The following CFAP77 variants were observed in gnomAD, a reference collection of about 807,000 sequenced individuals.
The protein encoded by CFAP77 is cilia and flagella associated protein 77.
A neutral mutation model predicts 31.1 loss-of-function variants in CFAP77; 25 were observed. That is an observed-to-expected ratio of 0.80 (90% CI 0.59 to 1.12). The LOEUF (loss-of-function observed/expected upper bound fraction) is 1.12. Ranked by LOEUF, CFAP77 falls within the 50% of genes most tolerant of loss-of-function variation. The probability of loss-of-function intolerance (pLI) is 0.00; values close to 1 mark genes in which losing one functional copy is unlikely to be tolerated. For missense variants in CFAP77, 377 were observed against 397.3 expected, an observed-to-expected ratio of 0.95 and a Z score of 0.44; for synonymous variants, 151 against 159.9, an observed-to-expected ratio of 0.94 and a Z score of 0.42.
intron 1 of CFAP77, among the ~76,000 whole-genome samples, chr9:132,435,288 T>A (rs1465407630): frequency 1.3e-5 from 2 of 152,196 alleles, no homozygotes; most frequent in African/African-American, 4.8e-5. Flanking sequence ...CCCACTTATT[T>A]TATTTATTTA....
At chr9:132,444,775 C>T (rs184884817) in intron 1 of CFAP77, among the ~76,000 whole-genome samples, 4 of 151,938 alleles carry the variant, frequency 2.6e-5, no homozygotes, top group East Asian at 1.9e-4. Context: ...TAAAATTTGC[C>T]GTCTTACCCA....
intron 3 of CFAP77, 102 bp from the exon 4 acceptor site, chr9:132,537,499 A>T: frequency 1.3e-6 from 1 of 772,436 alleles, no homozygotes; most frequent in Non-Finnish European, 2.2e-6. Flanking sequence ...GATGTACCCC[A>T]CAGCCCCTGA....
At position 132,495,198 on chromosome 9, in the gene CFAP77, T is replaced by C. The variant is rs926838286; in HGVS notation, c.196-3497T>C. Among the ~76,000 whole-genome samples, 1 of 151,538 alleles carries C rather than the reference T, an allele frequency of 6.6e-6. No individual in the cohort carries two copies. The highest frequency in any genetic ancestry group is 1.5e-5 in the Non-Finnish European group (1 of 67,954). On this transcript the variant is annotated intron_variant, in intron 1 of 5. Transcript: ENST00000393216. The surrounding 1 kb of genome is among the most constrained non-coding windows in gnomAD (Gnocchi z 4.2). ...CTCCCATTGGGATTTTTTTTTTTTG[T>C]AGTCTAAAGCTTCCACATGTTTCAG...
intron 3 of CFAP77, among the ~76,000 whole-genome samples, chr9:132,526,208 T>G (rs548244455): frequency 2.6e-5 from 4 of 151,936 alleles, no homozygotes; most frequent in East Asian, 1.9e-4. Flanking sequence ...CTGGTAAGTA[T>G]GTGTTTAGTT....
intron 1 of CFAP77, among the ~76,000 whole-genome samples, chr9:132,493,943 G>C (rs555868464): frequency 7.3e-6 from 1 of 136,936 alleles, no homozygotes; most frequent in Non-Finnish European, 1.5e-5. Flanking sequence ...ATAGGGTTTC[G>C]CTCTGTCACC....
At chr9:132,425,395 G>A (rs1230274508) in intron 1 of CFAP77, among the ~76,000 whole-genome samples, 2 of 151,546 alleles carry the variant, frequency 1.3e-5, no homozygotes, top group Non-Finnish European at 2.9e-5. Context: ...TCGCTCCCCA[G>A]TCCCCTCTCT....
At chr9:132,561,898 A>G (rs7024404) in intron 5 of CFAP77, among the ~76,000 whole-genome samples, 71,636 of 152,012 alleles carry the variant, frequency 0.47, 17,722 homozygotes, top group African/African-American at 0.62. Context: ...CTTGTGGACC[A>G]GAGCCATTCA....
At chr9:132,470,185 G>T (rs1007233995) in intron 1 of CFAP77, among the ~76,000 whole-genome samples, 3 of 152,102 alleles carry the variant, frequency 2.0e-5, no homozygotes, top group African/African-American at 7.2e-5. Flanking sequence ...AGCCATCTCC[G>T]TGTGCAGCAA....
rs192013629 is a variant in CFAP77, at chr9:132,496,144, A to G, written c.196-2551A>G. Among the ~76,000 whole-genome samples, 14 of 152,304 alleles carry G rather than the reference A, an allele frequency of 9.2e-5. No homozygotes were observed. The South Asian group carries it at 1.9e-3, about 20-fold the overall frequency. On this transcript the variant is annotated intron_variant, in intron 1 of 5. Transcript: ENST00000393216. ...TCATGGGGTATACAAAAAAATCTCC[A>G]TACCTTCTGCTCACTTTTGTTGTGA... is the stretch of plus-strand genomic sequence containing the variant.
chr9:132,433,882 G>A (rs1589847886), intron 1 of CFAP77, among the ~76,000 whole-genome samples: 1 of 151,140 alleles, frequency 6.6e-6, no homozygotes, highest in East Asian at 1.9e-4. Flanking sequence ...GCTTTGGTCA[G>A]GCGCTCATGC....
intron 5 of CFAP77, among the ~76,000 whole-genome samples, chr9:132,551,477 G>A (rs767127944): frequency 1.3e-5 from 2 of 152,016 alleles, no homozygotes; most frequent in African/African-American, 4.8e-5. Flanking sequence ...TGTATTTTTA[G>A]TAGAGACAGG....
intron 1 of CFAP77, among the ~76,000 whole-genome samples, chr9:132,414,097 C>T (rs1246852351): frequency 6.6e-6 from 1 of 152,190 alleles, no homozygotes; most frequent in African/African-American, 2.4e-5. Context: ...CTTTTGGCCA[C>T]AACATATGAT....
At chr9:132,413,995 C>G (rs964665836) in intron 1 of CFAP77, among the ~76,000 whole-genome samples, 1 of 152,152 alleles carries the variant, frequency 6.6e-6, no homozygotes. Flanking sequence ...GATCAAGGCC[C>G]AGCGAGGGGA....
At chr9:132,484,906 T>C (rs2118915421) in intron 1 of CFAP77, among the ~76,000 whole-genome samples, 1 of 151,852 alleles carries the variant, frequency 6.6e-6, no homozygotes, top group South Asian at 2.1e-4. Context: ...TGGAGTGCAG[T>C]GGCATGCTTT....
In CFAP77 at chr9:132,511,496, A is replaced by G. The variant is rs1422490959; in HGVS notation, c.524+11896A>G. Among the ~76,000 whole-genome samples, 2 of 152,270 alleles carry G rather than the reference A, an allele frequency of 1.3e-5. No homozygotes were observed. The highest frequency in any genetic ancestry group is 3.9e-4 in the East Asian group (2 of 5,164). On this transcript the variant is annotated intron_variant, in intron 3 of 5. Coordinates refer to ENST00000393216, the MANE Select transcript of CFAP77 (RefSeq NM_001282957.2). This position sits in a 1 kb window ranked among gnomAD's most constrained non-coding sequence, Gnocchi z 5.8. ...CACTCCTCCTTCCCCAGTGCCAAGC[A>G]TGTGCCTGCCTGGAATGTTGTAGGT...
intron 3 of CFAP77, among the ~76,000 whole-genome samples, chr9:132,508,564 A>T (rs1442099990): frequency 6.6e-6 from 1 of 152,166 alleles, no homozygotes; most frequent in Non-Finnish European, 1.5e-5. Context: ...TAACCATCTG[A>T]AGCCCTGGGA....
intron 3 of CFAP77, among the ~76,000 whole-genome samples, chr9:132,515,640 A>G (rs1852132251): frequency 6.6e-6 from 1 of 152,040 alleles, no homozygotes; most frequent in Non-Finnish European, 1.5e-5. Context: ...CCCTCCTGGA[A>G]AGGAGGAATT....
At chr9:132,504,241 A>G (rs1241451157) in intron 3 of CFAP77, among the ~76,000 whole-genome samples, 2 of 152,300 alleles carry the variant, frequency 1.3e-5, no homozygotes, top group East Asian at 3.9e-4. Flanking sequence ...TCTGTGTCCT[A>G]CTTCCTTGGA....
intron 3 of CFAP77, among the ~76,000 whole-genome samples, chr9:132,534,821 G>A (rs1852518499): frequency 6.6e-6 from 1 of 152,166 alleles, no homozygotes; most frequent in Admixed American, 6.5e-5. Flanking sequence ...AGAGAGTGCT[G>A]TATGATGGAT....
Sources: allele counts gnomAD v4.1 joint callset (sites outside exome capture counted in the v4.1 genomes callset), GRCh38; gene constraint gnomAD v4.1.1; non-coding constraint Gnocchi (gnomAD v3.1); transcripts MANE v1.5; gene names NCBI Gene and HGNC (gene_info 2026-07-23, HGNC 2026-07-21).